Variants in NEK10 observed in about 807,000 individuals in gnomAD.
The protein encoded by NEK10 is NIMA related kinase 10, also known as serine/threonine-protein kinase Nek10.
NEK10 carries 122 observed loss-of-function variants against 159.8 expected under a neutral mutation model. The observed-to-expected ratio is 0.76, with a 90% confidence interval of 0.66 to 0.89. NEK10 has a LOEUF of 0.89. Among genes scored for constraint, NEK10 ranks in the 40% least tolerant of loss-of-function variants. NEK10 has a pLI of 0.00. For missense variants in NEK10, 1,342 were observed against 1,323.1 expected (o/e 1.01, Z -0.22); for synonymous variants, 466 against 457.1 (o/e 1.02, Z -0.25).
Position 27,287,692 on chromosome 3 carries a change from A to G in NEK10, c.1789+6T>C. On this transcript the variant is annotated splice_donor_region_variant and intron_variant, in intron 20 of 35. Transcript: ENST00000691995. ...ATTTAGAAATATCATGAAAACTCAT[A>G]CTTACTTTCCAGAAATGTTTTGTAA... 6.4e-7 allele frequency: 1 copy of G among 1,565,514 alleles called. No individual in the cohort carries two copies. Among genetic ancestry groups the G allele is most frequent in the Non-Finnish European group, 8.6e-7 (1 of 1,162,118 alleles).
At chr3:27,215,687 C>T (rs1951443113) in intron 23 of NEK10, 5 of 649,746 alleles carry the variant, frequency 7.7e-6, no homozygotes, top group Non-Finnish European at 1.4e-5. Flanking sequence ...AAAGAAATAC[C>T]TGAGACTAGG....
intron 1 of NEK10, among the ~76,000 whole-genome samples, chr3:27,363,374 T>G (rs1276825627): frequency 6.6e-6 from 1 of 152,240 alleles, no homozygotes; most frequent in Non-Finnish European, 1.5e-5. Flanking sequence ...GACAGCTTTT[T>G]GGCTCATTCC....
chr3:27,297,306 T>C, intron 13 of NEK10, 66 bp from the exon 14 acceptor site: 1 of 1,017,832 alleles, frequency 9.8e-7, no homozygotes, highest in Non-Finnish European at 1.5e-6. Context: ...ACATAAATAC[T>C]CTTACTCCAC....
At chr3:27,306,670 T>C (rs1368698073) in intron 11 of NEK10, among the ~76,000 whole-genome samples, 1 of 152,220 alleles carries the variant, frequency 6.6e-6, no homozygotes, top group African/African-American at 2.4e-5. Flanking sequence ...TAAAGGTGTC[T>C]TGTTGCCTTA....
chr3:27,303,812 T>C (rs2044023437), intron 12 of NEK10, among the ~76,000 whole-genome samples: 3 of 152,174 alleles, frequency 2.0e-5, no homozygotes, highest in Non-Finnish European at 2.9e-5. Context: ...TTTGATAATA[T>C]CTAGTTATAT....
chr3:27,270,128 T>A (rs2041217526), intron 22 of NEK10, among the ~76,000 whole-genome samples: 1 of 152,180 alleles, frequency 6.6e-6, no homozygotes, highest in Non-Finnish European at 1.5e-5. Context: ...AGATGTTACT[T>A]CCAAGGTTCG....
chr3:27,322,072 A>G, intron 6 of NEK10, 105 bp downstream of exon 6: 1 of 628,858 alleles, frequency 1.6e-6, no homozygotes, highest in Non-Finnish European at 2.8e-6. Flanking sequence ...GAGTTGTGAG[A>G]GAGAAAACAA....
intron 30 of NEK10, among the ~76,000 whole-genome samples, chr3:27,158,499 TTTGA>T: frequency 6.6e-6 from 1 of 152,284 alleles, no homozygotes; most frequent in African/African-American, 2.4e-5. Flanking sequence ...ACATTGACAA[TTTGA>T]TTTAGATTTG....
At chr3:27,201,409 C>G (rs1432932749) in intron 25 of NEK10, 101 bp downstream of exon 25, 3 of 984,676 alleles carry the variant, frequency 3.0e-6, no homozygotes, top group Non-Finnish European at 4.6e-6. Context: ...TATGTAGGGA[C>G]TCTTTCTCTT....
intron 22 of NEK10, among the ~76,000 whole-genome samples, chr3:27,258,232 T>C (rs1956421228): frequency 6.6e-6 from 1 of 152,152 alleles, no homozygotes; most frequent in African/African-American, 2.4e-5. Flanking sequence ...ATATATTTTT[T>C]ATTATACTTT....
Position 27,330,163 on chromosome 3 carries a change from CAT to C in NEK10, c.363-7904_363-7903del, listed in dbSNP as rs1047480929. On this transcript the variant is annotated intron_variant, in intron 5 of 35. Transcript: ENST00000691995. ...CTGACTGTGCCTGTGTGTGTGTGTA[CAT>C]GTGTGTACACATTTACCTAAAATAC... Among the ~76,000 whole-genome samples, 6 of 152,044 alleles carry C rather than the reference CAT, an allele frequency of 3.9e-5. No homozygotes were observed. In the South Asian group the frequency reaches 1.0e-3, roughly 26 times the overall value.
At chr3:27,172,128 A>G (rs1422996679) in intron 28 of NEK10, among the ~76,000 whole-genome samples, 1 of 151,896 alleles carries the variant, frequency 6.6e-6, no homozygotes, top group Non-Finnish European at 1.5e-5. Context: ...CATGAGGTCA[A>G]GAGAGCGAGA....
At chr3:27,289,026 G>A (rs1317855246) in intron 19 of NEK10, among the ~76,000 whole-genome samples, 1 of 152,200 alleles carries the variant, frequency 6.6e-6, no homozygotes, top group East Asian at 1.9e-4. Flanking sequence ...TGCTTCCTGT[G>A]TGAACTCTAA....
intron 22 of NEK10, among the ~76,000 whole-genome samples, chr3:27,268,509 A>G (rs887985564): frequency 1.3e-5 from 2 of 152,206 alleles, no homozygotes; most frequent in African/African-American, 4.8e-5. Flanking sequence ...ATGTTGCTAC[A>G]TATACTCTGC....
intron 23 of NEK10, among the ~76,000 whole-genome samples, chr3:27,245,068 T>C (rs370965528): frequency 3.7e-4 from 56 of 152,320 alleles, no homozygotes; most frequent in African/African-American, 1.3e-3. Context: ...TTCATCATAA[T>C]TGTTCTTCAT....
At chr3:27,224,374 A>C (rs1318718532) in intron 23 of NEK10, among the ~76,000 whole-genome samples, 2 of 152,210 alleles carry the variant, frequency 1.3e-5, no homozygotes, top group African/African-American at 4.8e-5. Flanking sequence ...ACTGCTCTAC[A>C]AGAGGTGCTG....
intron 26 of NEK10, among the ~76,000 whole-genome samples, chr3:27,190,390 T>C (rs1949006494): frequency 6.6e-6 from 1 of 152,162 alleles, no homozygotes; most frequent in East Asian, 1.9e-4. Context: ...TAGGTGGGAA[T>C]AGAGATGATA....
At chr3:27,185,102 A>T (rs1358541900) in intron 26 of NEK10, among the ~76,000 whole-genome samples, 2 of 152,206 alleles carry the variant, frequency 1.3e-5, no homozygotes, top group Non-Finnish European at 2.9e-5. Context: ...CTACAATAAG[A>T]ATTTTATAAC....
intron 23 of NEK10, among the ~76,000 whole-genome samples, chr3:27,203,161 A>G (rs1279286574): frequency 6.6e-6 from 1 of 152,200 alleles, no homozygotes; most frequent in Admixed American, 6.5e-5. Flanking sequence ...GCCCCCAGAC[A>G]ACCCATATAC....
Sources: gnomAD v4.1 joint callset for allele counts (sites outside exome capture counted in the v4.1 genomes callset) on GRCh38, gnomAD v4.1.1 for gene constraint, MANE v1.5 for transcripts, NCBI Gene and HGNC (gene_info 2026-07-23, HGNC 2026-07-21) for gene names.